The following BRAP variants were observed in gnomAD, a reference collection of about 807,000 sequenced individuals.
The protein encoded by BRAP is BRCA1 associated protein, also known as BRCA1-associated protein.
In BRAP, 42 loss-of-function variants were observed where a neutral mutation model predicts 73.4. That is an observed-to-expected ratio of 0.57 (90% CI 0.45 to 0.74). The LOEUF (loss-of-function observed/expected upper bound fraction) is 0.74, where lower values mean the gene tolerates loss of function less well. Ranked by LOEUF, BRAP falls within the 30% of genes least tolerant of loss-of-function variation. BRAP has a pLI of 0.00. For synonymous variants in BRAP, 255 were observed against 267.4 expected (o/e 0.95, Z 0.45); for missense variants, 593 against 751.4 (o/e 0.79, Z 2.46).
rs758006035 is a variant in BRAP, at chr12:111,665,658, G to A, written c.877C>T (p.Gln293Ter). 6.2e-7 allele frequency: 1 copy of A among 1,614,206 alleles called. No individual in the cohort carries two copies. The highest frequency in any genetic ancestry group is 8.5e-7 in the Non-Finnish European group (1 of 1,180,028). The change falls in exon 6 of 12, where the codon CAG becomes TAG. Residue 293 changes from glutamine to a stop codon, truncating the protein, a stop_gained. Coordinates refer to ENST00000419234, the MANE Select transcript of BRAP (RefSeq NM_006768.5). LOFTEE classifies it high-confidence loss of function. The surrounding 1 kb of genome is among the most constrained non-coding windows in gnomAD (Gnocchi z 4.3). The stretch of plus-strand genomic sequence containing the variant: ...ACTCACGTGGTATCGTCCCAGCGCT[G>A]TAGACACTGGCTGTGGAAGCTGTGG... ...CNHSFHSQCL[Q>*]RWDDTTCPVC... is the part of the protein sequence containing the mutation.
Position 111,673,913 on chromosome 12 carries a change from C to T in BRAP, c.634-1139G>A, listed in dbSNP as rs2051792. On this transcript the variant is annotated intron_variant, in intron 4 of 11. Transcript: ENST00000419234. ...TAGCCTTAGTAGCAAGCAATGGAGA[C>T]GATTCCAGTTTTTAAACTCAGCCAA... is the stretch of plus-strand genomic sequence containing the variant. Among the ~76,000 whole-genome samples, 1,202 of 152,242 alleles carry T rather than the reference C, an allele frequency of 7.9e-3. 6 individuals carry two copies. The highest frequency in any genetic ancestry group is 0.014 in the Middle Eastern group (4 of 294).
intron 10 of BRAP, among the ~76,000 whole-genome samples, chr12:111,651,958 C>G (rs943474434): frequency 3.9e-5 from 6 of 152,006 alleles, no homozygotes; most frequent in Non-Finnish European, 8.8e-5. Flanking sequence ...TCTAAATGTA[C>G]TTCTCTGTCA....
chr12:111,677,909 C>A (rs1461350372), intron 4 of BRAP, among the ~76,000 whole-genome samples: 1 of 152,180 alleles, frequency 6.6e-6, no homozygotes, highest in African/African-American at 2.4e-5. Context: ...GAACTCCACA[C>A]TAAAGCTTCT....
intron 6 of BRAP, among the ~76,000 whole-genome samples, chr12:111,664,063 T>C (rs889991289): frequency 2.6e-5 from 4 of 152,168 alleles, no homozygotes; most frequent in Non-Finnish European, 5.9e-5. Context: ...TCGTGGCTCA[T>C]GCCTACAATC....
chr12:111,670,706 T>C (rs1592988907), intron 5 of BRAP, among the ~76,000 whole-genome samples: 1 of 149,344 alleles, frequency 6.7e-6, no homozygotes, highest in Non-Finnish European at 1.5e-5. Context: ...GCCAGGCTGG[T>C]CTCAAACTCC....
In BRAP at chr12:111,658,429, G is replaced by A. The variant is rs575190555; in HGVS notation, c.1221+307C>T. On this transcript the variant is annotated intron_variant, in intron 9 of 11. Transcript: ENST00000419234. ...GATTCTCTGCTTCCCGGGTTCAAGC[G>A]ATTCTCCTGCCTCAGCCTCCCGAGG... 2.4e-4 allele frequency among the ~76,000 whole-genome samples: 36 copies of A among 151,814 alleles called. 2 individuals are homozygous for A. In the South Asian group the frequency reaches 6.4e-3, roughly 27 times the overall value.
intron 2 of BRAP, 108 bp from the exon 3 acceptor site, chr12:111,681,943 T>A: frequency 2.0e-6 from 2 of 1,005,920 alleles, no homozygotes; most frequent in South Asian, 1.8e-5. Flanking sequence ...ATAGAGTAAT[T>A]ACAATGTAAT....
intron 2 of BRAP, among the ~76,000 whole-genome samples, chr12:111,682,301 C>A (rs915696423): frequency 6.6e-6 from 1 of 151,896 alleles, no homozygotes; most frequent in Admixed American, 6.6e-5. Context: ...AGGTTGAGAC[C>A]ATCCTGGCTC....
In BRAP at chr12:111,679,467, T is replaced by C. The variant is rs1021371632; in HGVS notation, c.444-127A>G. 3 of 587,044 alleles carry C rather than the reference T, an allele frequency of 5.1e-6. No homozygotes were observed. The African/African-American group carries it at 5.7e-5, about 11-fold the overall frequency. The allele number at this position is 587,044 out of a possible 1,614,324, so 36.4% of individuals were successfully genotyped here. On this transcript the variant is annotated intron_variant, in intron 3 of 11. Transcript: ENST00000419234. ...TTGTAATATTTCATTAATGAACTGT[T>C]CTATATTATACCCCCCATTGGACTT...
chr12:111,647,974 G>C (rs1032543805), intron 11 of BRAP, among the ~76,000 whole-genome samples: 1 of 151,924 alleles, frequency 6.6e-6, no homozygotes, highest in African/African-American at 2.4e-5. Flanking sequence ...AGGCTGAGGT[G>C]GGAGGATCAC....
At chr12:111,675,091 T>C (rs958728005) in intron 4 of BRAP, among the ~76,000 whole-genome samples, 5 of 151,938 alleles carry the variant, frequency 3.3e-5, no homozygotes, top group African/African-American at 1.2e-4. Flanking sequence ...CGAAACCCCA[T>C]CTGTACAAAA....
intron 7 of BRAP, among the ~76,000 whole-genome samples, chr12:111,659,735 G>A (rs937757192): frequency 6.6e-6 from 1 of 151,988 alleles, no homozygotes; most frequent in African/African-American, 2.4e-5. Context: ...CAGAATTGTT[G>A]GTTGGGCACA....
At chr12:111,646,332 G>A (rs1225069719) in intron 11 of BRAP, among the ~76,000 whole-genome samples, 1 of 151,702 alleles carries the variant, frequency 6.6e-6, no homozygotes, top group Non-Finnish European at 1.5e-5. Context: ...CAAAAACCAC[G>A]AACAAAAAAA....
chr12:111,669,631 T>C (rs1057217086), intron 5 of BRAP, among the ~76,000 whole-genome samples: 5 of 152,116 alleles, frequency 3.3e-5, no homozygotes, highest in Non-Finnish European at 7.4e-5. Flanking sequence ...ACTAATCACA[T>C]GAAACTACAA....
chr12:111,682,136 A>G (rs1887622845), intron 2 of BRAP, among the ~76,000 whole-genome samples: 1 of 152,210 alleles, frequency 6.6e-6, no homozygotes, highest in African/African-American at 2.4e-5. Context: ...ACAAACATTC[A>G]GGGCTACTAA....
chr12:111,667,435 C>T (rs1335246674), intron 5 of BRAP, among the ~76,000 whole-genome samples: 2 of 151,954 alleles, frequency 1.3e-5, no homozygotes, highest in East Asian at 3.9e-4. Flanking sequence ...CGGGGTGGCT[C>T]ACGCCTGTTA....
At chr12:111,657,941 CTTT>C (rs754516146) in intron 9 of BRAP, among the ~76,000 whole-genome samples, 3 of 143,116 alleles carry the variant, frequency 2.1e-5, no homozygotes, top group Admixed American at 7.0e-5. Flanking sequence ...GAAACTTAGA[CTTT>C]TTTTTTTTTT....
chr12:111,654,927 C>T (rs1886466766), intron 10 of BRAP, among the ~76,000 whole-genome samples: 2 of 152,190 alleles, frequency 1.3e-5, no homozygotes, highest in South Asian at 4.1e-4. Flanking sequence ...CACAATTATA[C>T]ACAGATGCTT....
chr12:111,656,160 C>T (rs368403575), intron 9 of BRAP, among the ~76,000 whole-genome samples: 8 of 152,344 alleles, frequency 5.3e-5, no homozygotes, highest in African/African-American at 1.9e-4. Flanking sequence ...ATCTCTACTG[C>T]TGTATCTCCA....
Sources: allele counts gnomAD v4.1 joint callset (sites outside exome capture counted in the v4.1 genomes callset), GRCh38; gene constraint gnomAD v4.1.1; non-coding constraint Gnocchi (gnomAD v3.1); transcripts MANE v1.5; gene names NCBI Gene and HGNC (gene_info 2026-07-23, HGNC 2026-07-21).